The following FAM219A variants were observed in gnomAD, a reference collection of about 807,000 sequenced individuals.
FAM219A encodes the protein protein FAM219A.
In FAM219A, 7 loss-of-function variants were observed where a neutral mutation model predicts 23.4. The ratio of observed to expected loss-of-function variants is 0.30; its 90% CI spans 0.17 to 0.56. FAM219A has a LOEUF of 0.56. Ranked by LOEUF, FAM219A falls within the 20% of genes least tolerant of loss-of-function variation. FAM219A has a pLI of 0.92. For synonymous variants in FAM219A, 93 were observed against 99.0 expected, an observed-to-expected ratio of 0.94 and a Z score of 0.36; for missense variants, 166 against 246.9, an observed-to-expected ratio of 0.67 and a Z score of 2.20.
chr9:34,408,391 C>A (rs1821715702), intron 1 of FAM219A, among the ~76,000 whole-genome samples: 1 of 152,230 alleles, frequency 6.6e-6, no homozygotes, highest in Non-Finnish European at 1.5e-5. Context: ...TCTGGATTTC[C>A]TGTGAGCCCC....
At position 34,398,953 on chromosome 9, in the gene FAM219A, G is replaced by C. The variant is rs1176134191; in HGVS notation, c.*2011C>G. 1 of 154,260 alleles carries C rather than the reference G, an allele frequency of 6.5e-6. No homozygotes were observed. The highest frequency in any genetic ancestry group is 2.4e-5 in the African/African-American group (1 of 41,404). The allele number at this position is 154,260 out of a possible 1,614,324, so 9.6% of individuals were successfully genotyped here. On this transcript the variant is annotated 3_prime_UTR_variant, in exon 6 of 6. Coordinates refer to ENST00000651358, the MANE Select transcript of FAM219A (RefSeq NM_001184940.2). ...TCCCTGCACTAGAGGAGGTAGGAAT[G>C]GGTTGGCGGAGTGGGGGGTGGTGAG...
chr9:34,407,743 T>C (rs1213703267), intron 1 of FAM219A, among the ~76,000 whole-genome samples: 1 of 152,134 alleles, frequency 6.6e-6, no homozygotes, highest in Non-Finnish European at 1.5e-5. Context: ...GTGCGAGGAG[T>C]GCAGAGGGGA....
intron 1 of FAM219A, among the ~76,000 whole-genome samples, chr9:34,452,134 A>G (rs1823581389): frequency 6.6e-6 from 1 of 152,228 alleles, no homozygotes; most frequent in Non-Finnish European, 1.5e-5. Context: ...CCTTGCTGCT[A>G]CCACCAATTC....
intron 1 of FAM219A, among the ~76,000 whole-genome samples, chr9:34,419,551 G>A (rs1025459167): frequency 2.0e-5 from 3 of 152,130 alleles, no homozygotes; most frequent in Non-Finnish European, 4.4e-5. Context: ...TACTGCCCAG[G>A]AATCAGTACA....
chr9:34,416,962 G>A (rs1399588658), intron 1 of FAM219A, among the ~76,000 whole-genome samples: 1 of 151,512 alleles, frequency 6.6e-6, no homozygotes, highest in Non-Finnish European at 1.5e-5. Context: ...CGTGTATCTG[G>A]GATTACAGGT....
chr9:34,437,151 A>C (rs540537796), intron 1 of FAM219A, among the ~76,000 whole-genome samples: 11 of 152,164 alleles, frequency 7.2e-5, no homozygotes, highest in Non-Finnish European at 1.3e-4. Flanking sequence ...TCTATCTTTC[A>C]TGAGGAAATT....
At chr9:34,406,143 TG>T (rs2131932133) in intron 1 of FAM219A, among the ~76,000 whole-genome samples, 179 bp from the exon 2 acceptor site, 1 of 152,282 alleles carries the variant, frequency 6.6e-6, no homozygotes, top group East Asian at 1.9e-4. Context: ...ACAAAAACAC[TG>T]GGCTAGGTAG....
At chr9:34,439,389 T>C (rs1184662187) in intron 1 of FAM219A, among the ~76,000 whole-genome samples, 1 of 152,188 alleles carries the variant, frequency 6.6e-6, no homozygotes, top group Non-Finnish European at 1.5e-5. Context: ...CCAAAAGCTA[T>C]TTAGTGAATG....
chr9:34,425,935 T>C (rs1364188377), intron 1 of FAM219A, among the ~76,000 whole-genome samples: 2 of 152,240 alleles, frequency 1.3e-5, no homozygotes, highest in Non-Finnish European at 2.9e-5. Flanking sequence ...GGCTGAAATA[T>C]TTTTGTTGTG....
chr9:34,418,544 G>A (rs1047667934), intron 1 of FAM219A, among the ~76,000 whole-genome samples: 1 of 152,206 alleles, frequency 6.6e-6, no homozygotes, highest in Non-Finnish European at 1.5e-5. Context: ...GGGAGGACTG[G>A]CTTGGCCTAC....
chr9:34,450,949 C>T (rs1218742803), intron 1 of FAM219A, among the ~76,000 whole-genome samples: 2 of 152,220 alleles, frequency 1.3e-5, no homozygotes, highest in African/African-American at 4.8e-5. Context: ...TGCATGCACA[C>T]TCACATACCT....
intron 1 of FAM219A, among the ~76,000 whole-genome samples, chr9:34,413,222 G>A (rs2131945645): frequency 6.6e-6 from 1 of 150,600 alleles, no homozygotes; most frequent in Non-Finnish European, 1.5e-5. Context: ...TAACATGGAG[G>A]CAGAAAGGGG....
chr9:34,407,017 G>T (rs1821660990), intron 1 of FAM219A, among the ~76,000 whole-genome samples: 1 of 151,974 alleles, frequency 6.6e-6, no homozygotes, highest in Non-Finnish European at 1.5e-5. Context: ...TGGCCAGGCT[G>T]GTCTCGAACT....
intron 1 of FAM219A, among the ~76,000 whole-genome samples, chr9:34,448,019 G>A (rs1394139872): frequency 2.0e-5 from 3 of 152,008 alleles, no homozygotes; most frequent in Non-Finnish European, 2.9e-5. Flanking sequence ...CTACAGGCAT[G>A]CATCATCATG....
intron 1 of FAM219A, among the ~76,000 whole-genome samples, chr9:34,443,082 G>T (rs1488347201): frequency 1.3e-5 from 2 of 152,126 alleles, no homozygotes; most frequent in Non-Finnish European, 2.9e-5. Context: ...CAAGTACTAG[G>T]GGGTATGTGT....
intron 1 of FAM219A, among the ~76,000 whole-genome samples, chr9:34,450,184 G>A (rs973907502): frequency 6.6e-5 from 10 of 151,774 alleles, no homozygotes; most frequent in Non-Finnish European, 7.4e-5. Context: ...ATGGTGGCGC[G>A]TGAATGTAGT....
intron 4 of FAM219A, 71 bp from the exon 5 acceptor site, chr9:34,401,791 C>T (rs548827429): frequency 1.3e-6 from 2 of 1,507,360 alleles, no homozygotes; most frequent in African/African-American, 2.7e-5. Flanking sequence ...AATCCCACCT[C>T]CCATTAGGCA....
At chr9:34,440,948 A>T (rs1039657252) in intron 1 of FAM219A, among the ~76,000 whole-genome samples, 1 of 152,154 alleles carries the variant, frequency 6.6e-6, no homozygotes, top group Non-Finnish European at 1.5e-5. Context: ...TATAGCACTT[A>T]GAGCCTTTAA....
chr9:34,408,230 C>T (rs1241204380), intron 1 of FAM219A, among the ~76,000 whole-genome samples: 3 of 152,228 alleles, frequency 2.0e-5, no homozygotes, highest in Admixed American at 1.3e-4. Flanking sequence ...CTCCCTGGCT[C>T]AGCAACCTCC....
Sources: gnomAD v4.1 joint callset for allele counts (sites outside exome capture counted in the v4.1 genomes callset) on GRCh38, gnomAD v4.1.1 for gene constraint, MANE v1.5 for transcripts, NCBI Gene and HGNC (gene_info 2026-07-23, HGNC 2026-07-21) for gene names.